Variants in UNC79 observed in about 807,000 individuals in gnomAD.
The protein encoded by UNC79 is unc-79 subunit of NALCN channel complex, also known as protein unc-79 homolog.
Under a neutral mutation model 283.1 loss-of-function variants are expected in UNC79, and 37 were observed. The observed-to-expected ratio is 0.13, with a 90% CI of 0.10 to 0.17. The LOEUF (loss-of-function observed/expected upper bound fraction) is 0.17, where lower values mean the gene tolerates loss of function less well. UNC79 is among the 10% of genes least tolerant of loss of function. The pLI is 1.00. For synonymous variants in UNC79, 1,107 were observed against 1,200.2 expected (o/e 0.92, Z 1.61); for missense variants, 2,272 against 3,211.1 (o/e 0.71, Z 7.07).
At chr14:93,632,620 G>T (rs1425051473) in intron 31 of UNC79, among the ~76,000 whole-genome samples, 1 of 151,742 alleles carries the variant, frequency 6.6e-6, no homozygotes, top group African/African-American at 2.4e-5. Flanking sequence ...GATCGCTCAA[G>T]CATGGGAGAT....
At chr14:93,576,686 C>T (rs1161947965) in intron 17 of UNC79, among the ~76,000 whole-genome samples, 2 of 152,056 alleles carry the variant, frequency 1.3e-5, no homozygotes, top group Non-Finnish European at 2.9e-5. Flanking sequence ...GAAAGAGTTC[C>T]TGGGGCACCA....
intron 29 of UNC79, among the ~76,000 whole-genome samples, chr14:93,620,130 G>A (rs942681881): frequency 1.3e-5 from 2 of 152,240 alleles, no homozygotes; most frequent in African/African-American, 2.4e-5. Flanking sequence ...TGTAGGATTA[G>A]GGATCATAAG....
intron 7 of UNC79, among the ~76,000 whole-genome samples, chr14:93,498,611 AC>A (rs1383305906): frequency 2.0e-5 from 3 of 151,926 alleles, no homozygotes; most frequent in Non-Finnish European, 4.4e-5. Context: ...CAAAAAAATG[AC>A]CCCGATAGCC....
At position 93,667,155 on chromosome 14, in the gene UNC79, G is replaced by A. The variant is rs111441632; in HGVS notation, c.6636+4441G>A. Among the ~76,000 whole-genome samples the A allele has an allele frequency of 4.2e-3, 638 of 150,120 alleles. 4 individuals are homozygous for A. The highest frequency in any genetic ancestry group is 0.014 in the African/African-American group (590 of 40,822). On this transcript the variant is annotated intron_variant, in intron 40 of 48. Coordinates refer to ENST00000555664, the Ensembl canonical transcript of UNC79. ...AGGAAGGAGAGAGAGAAGAAGGAAAGGAAGAAAGGAAGGAATGAAGGAGAG... is the reference window on the plus strand; with the variant it reads ...AGGAAGGAGAGAGAGAAGAAGGAAAAGAAGAAAGGAAGGAATGAAGGAGAG...
chr14:93,467,899 T>C, intron 2 of UNC79, 108 bp downstream of exon 2: 1 of 1,276,130 alleles, frequency 7.8e-7, no homozygotes, highest in Non-Finnish European at 1.0e-6. Flanking sequence ...GCCTATGTTT[T>C]CTAGTGCTCT....
chr14:93,482,444 T>C (rs920186064), intron 4 of UNC79, among the ~76,000 whole-genome samples: 1 of 152,208 alleles, frequency 6.6e-6, no homozygotes. Flanking sequence ...GTTTAACTGA[T>C]AATGCCCTTC....
Position 93,348,052 on chromosome 14 carries a change from T to G in UNC79, c.-351+14529T>G, listed in dbSNP as rs751080904. 21 of 1,612,166 alleles carry G rather than the reference T, an allele frequency of 1.3e-5. No homozygotes were observed. In the East Asian group the frequency reaches 4.7e-4, roughly 36 times the overall value. On this transcript the variant is annotated intron_variant, in intron 1 of 49. Coordinates refer to the UNC79 transcript ENST00000256339. ...GGAAATGGCTGTTGGACTTGTGGTG[T>G]TTTTTACGACCTTCTTAACACCAGC...
rs938069747 is a variant in UNC79 at position 93,617,833 on chromosome 14, G to A, written c.4225-359G>A. On this transcript the variant is annotated intron_variant, in intron 28 of 48. Coordinates refer to ENST00000555664, the Ensembl canonical transcript of UNC79. This position sits in a 1 kb window ranked among gnomAD's most constrained non-coding sequence, Gnocchi z 4.5. Reference sequence around the variant, plus strand: ...CGAGGTGGGTAGGTTGCCTGACTCCGGGAGTTCGAGCCCAGCCTGAGCAAC... The same window carrying A: ...CGAGGTGGGTAGGTTGCCTGACTCCAGGAGTTCGAGCCCAGCCTGAGCAAC... Among the ~76,000 whole-genome samples, 15 of 151,962 alleles carry A rather than the reference G, an allele frequency of 9.9e-5. No homozygotes were observed. The highest frequency in any genetic ancestry group is 2.2e-4 in the Non-Finnish European group (15 of 67,998).
intron 1 of UNC79, among the ~76,000 whole-genome samples, chr14:93,422,625 G>A (rs2055624652): frequency 6.6e-6 from 1 of 152,068 alleles, no homozygotes; most frequent in Non-Finnish European, 1.5e-5. Context: ...TGTATTTTTA[G>A]TTTACAGAAG....
chr14:93,542,821 T>C (rs2061434899), intron 14 of UNC79, 125 bp downstream of exon 14: 2 of 847,112 alleles, frequency 2.4e-6, no homozygotes, highest in East Asian at 2.5e-5. Context: ...TTAATTAATA[T>C]AGCTAAATGA....
At chr14:93,342,968 C>T (rs1219397502) in intron 1 of UNC79, among the ~76,000 whole-genome samples, 7 of 151,664 alleles carry the variant, frequency 4.6e-5, no homozygotes, top group African/African-American at 9.7e-5. Flanking sequence ...ATCATACTAT[C>T]AGCATGGTAT....
At chr14:93,502,871 A>C (rs151070057) in intron 7 of UNC79, among the ~76,000 whole-genome samples, 1 of 152,242 alleles carries the variant, frequency 6.6e-6, no homozygotes, top group African/African-American at 2.4e-5. Context: ...ACATCAGTAC[A>C]TTGGATTTTT....
intron 22 of UNC79, among the ~76,000 whole-genome samples, chr14:93,590,880 T>C (rs934803137): frequency 2.0e-5 from 3 of 152,248 alleles, no homozygotes; most frequent in Non-Finnish European, 4.4e-5. Flanking sequence ...ATATCTTCTT[T>C]TTCCTTTGCA....
At chr14:93,562,447 A>G (rs1320798743) in intron 14 of UNC79, among the ~76,000 whole-genome samples, 1 of 152,202 alleles carries the variant, frequency 6.6e-6, no homozygotes, top group Non-Finnish European at 1.5e-5. Flanking sequence ...ATAAAAGTTC[A>G]AATGGGCTGT....
At chr14:93,457,395 G>T (rs969233673) in intron 1 of UNC79, among the ~76,000 whole-genome samples, 1 of 152,246 alleles carries the variant, frequency 6.6e-6, no homozygotes, top group Non-Finnish European at 1.5e-5. Context: ...AATGCAGTTT[G>T]TGGGAAGGTT....
At chr14:93,358,680 G>C (rs2054159653) in intron 1 of UNC79, among the ~76,000 whole-genome samples, 1 of 152,282 alleles carries the variant, frequency 6.6e-6, no homozygotes, top group South Asian at 2.1e-4. Flanking sequence ...TTTGCCAGAA[G>C]AAACAGCTTC....
At chr14:93,542,546 C>G in exon 14 of UNC79, 1 of 1,614,238 alleles carries the variant, frequency 6.2e-7, no homozygotes, top group South Asian at 1.1e-5. Context: ...AGTGGTTTCA[C>G]TCCACTGCGT....
At chr14:93,368,376 A>T (rs923071406) in intron 1 of UNC79, among the ~76,000 whole-genome samples, 11 of 152,206 alleles carry the variant, frequency 7.2e-5, no homozygotes, top group African/African-American at 2.7e-4. Flanking sequence ...AAAGGGATGG[A>T]TCTTCTGCAA....
upstream of UNC79, among the ~76,000 whole-genome samples, chr14:93,429,594 T>C (rs899818136): frequency 6.6e-6 from 1 of 152,212 alleles, no homozygotes; most frequent in African/African-American, 2.4e-5. Context: ...AATAGTTTGA[T>C]ATATTACACA....
Sources: gnomAD v4.1 joint callset for allele counts (sites outside exome capture counted in the v4.1 genomes callset) on GRCh38, gnomAD v4.1.1 for gene constraint, Gnocchi (gnomAD v3.1) non-coding constraint, MANE v1.5 for transcripts, NCBI Gene and HGNC (gene_info 2026-07-23, HGNC 2026-07-21) for gene names.